Variants in ARAP2 observed in about 807,000 individuals in gnomAD.
The protein encoded by ARAP2 is arf-GAP with Rho-GAP domain, ANK repeat and PH domain-containing protein 2.
In ARAP2, 148 loss-of-function variants were observed where a neutral mutation model predicts 194.5. The ratio of observed to expected loss-of-function variants is 0.76; its 90% CI spans 0.67 to 0.87. ARAP2 has a LOEUF of 0.87. Among genes scored for constraint, ARAP2 ranks in the 40% least tolerant of loss-of-function variants. The pLI is 0.00. For synonymous variants in ARAP2, 695 were observed against 683.5 expected (o/e 1.02, Z -0.26); for missense variants, 2,128 against 1,989.7 (o/e 1.07, Z -1.32).
At chr4:36,133,106 T>G (rs1725813326) in intron 20 of ARAP2, 120 bp downstream of exon 20, 1 of 953,768 alleles carries the variant, frequency 1.0e-6, no homozygotes, top group African/African-American at 1.7e-5. Context: ...CCTTTATTTT[T>G]CACTAGGATA....
rs545390301 is a variant in ARAP2, at chr4:36,139,993, C to G, written c.3264-6604G>C. On this transcript the variant is annotated intron_variant, in intron 19 of 32. Coordinates refer to ENST00000303965, the MANE Select transcript of ARAP2 (RefSeq NM_015230.4). ...CAACCCATACTGAGGTTGTTTCTAG[C>G]CCATCCTATTTCTCTGAACCTATTA... Among the ~76,000 whole-genome samples the G allele has an allele frequency of 4.6e-5, 7 of 151,678 alleles. 1 individual carries two copies. The South Asian group carries it at 1.5e-3, about 31-fold the overall frequency.
chr4:36,117,236 A>G (rs888932678), intron 24 of ARAP2, 101 bp from the exon 25 acceptor site: 13 of 785,382 alleles, frequency 1.7e-5, no homozygotes, highest in Non-Finnish European at 2.1e-5. Flanking sequence ...ATTTCTGAAT[A>G]TTTTATAACA....
chr4:36,037,871 T>C (rs1223966275), intron 5 of ARAP2, among the ~76,000 whole-genome samples: 2 of 152,222 alleles, frequency 1.3e-5, no homozygotes, highest in African/African-American at 2.4e-5. Context: ...GATTTAACTC[T>C]TAGAGCATAA....
At chr4:36,194,401 A>G (rs1742618583) in intron 6 of ARAP2, among the ~76,000 whole-genome samples, 1 of 152,188 alleles carries the variant, frequency 6.6e-6, no homozygotes, top group Admixed American at 6.5e-5. Context: ...GCAGACAACC[A>G]TAGGTACTTT....
In ARAP2 at chr4:36,082,305, A is replaced by G; in HGVS notation, c.4509-19T>C. Reference sequence around the variant, plus strand: ...TCCCCAGCTGCATCACATAGAAAAAAAAACACACATAAATTAAAAATAATA... The same window carrying G: ...TCCCCAGCTGCATCACATAGAAAAAGAAACACACATAAATTAAAAATAATA... On this transcript the variant is annotated intron_variant, in intron 29 of 32. Coordinates refer to ENST00000303965, the MANE Select transcript of ARAP2 (RefSeq NM_015230.4). 2 of 1,602,570 alleles carry G rather than the reference A, an allele frequency of 1.2e-6. No individual in the cohort carries two copies. Among genetic ancestry groups the G allele is most frequent in the Admixed American group, 1.7e-5 (1 of 58,570 alleles).
intron 2 of ARAP2, among the ~76,000 whole-genome samples, chr4:36,222,437 T>C (rs974973474): frequency 3.3e-5 from 5 of 152,142 alleles, no homozygotes; most frequent in African/African-American, 1.2e-4. Context: ...AAATTGTTTT[T>C]AAAATCAAAC....
intron 5 of ARAP2, among the ~76,000 whole-genome samples, chr4:36,041,970 A>G (rs958668310): frequency 6.6e-6 from 1 of 152,182 alleles, no homozygotes; most frequent in African/African-American, 2.4e-5. Flanking sequence ...GGATGAAATC[A>G]TAAGAACTTA....
At chr4:36,156,391 GAAAGAAAGAAAGAAAGAA>G (rs1473788595) in intron 15 of ARAP2, among the ~76,000 whole-genome samples, 1 of 95,182 alleles carries the variant, frequency 1.1e-5, no homozygotes, top group Non-Finnish European at 2.1e-5. Context: ...GAGAGAGAGA[GAAAGAAAGAAAGAAAGAA>G]AGAAAGAAAG....
At chr4:36,190,134 C>T (rs543495050) in intron 7 of ARAP2, among the ~76,000 whole-genome samples, 11 of 152,336 alleles carry the variant, frequency 7.2e-5, no homozygotes, top group African/African-American at 2.2e-4. Context: ...ATTGTCTTCA[C>T]GCCCATCTGC....
At chr4:36,198,595 A>G (rs1182638713) in intron 6 of ARAP2, among the ~76,000 whole-genome samples, 1 of 152,174 alleles carries the variant, frequency 6.6e-6, no homozygotes, top group Non-Finnish European at 1.5e-5. Context: ...ATCAGGACCC[A>G]AAGTCCAGAG....
intron 6 of ARAP2, among the ~76,000 whole-genome samples, chr4:36,204,691 T>A (rs1745139160): frequency 6.6e-6 from 1 of 152,086 alleles, no homozygotes; most frequent in Non-Finnish European, 1.5e-5. Context: ...AGTACACATA[T>A]TAAAAATTAA....
chr4:36,009,504 G>C (rs28698079), intron 9 of ARAP2, among the ~76,000 whole-genome samples: 57,542 of 151,780 alleles, frequency 0.38, 11,529 homozygotes, highest in East Asian at 0.6. Flanking sequence ...AACAGACACT[G>C]GGCAATACAA....
rs1429181901 is a variant in ARAP2 at position 36,209,434 on chromosome 4, T to C, written c.1487+956A>G. 12 of 450,416 alleles carry C rather than the reference T, an allele frequency of 2.7e-5. No homozygotes were observed. In the Admixed American group the frequency reaches 2.9e-4, roughly 11 times the overall value. The allele number at this position is 450,416 out of a possible 1,614,324, so 27.9% of individuals were successfully genotyped here. The stretch of plus-strand genomic sequence containing the variant: ...AATTTCCTAAAAGAATGAAAATATA[T>C]AAGGTATTAACATATAATTGCTAAC... On this transcript the variant is annotated intron_variant, in intron 6 of 32. Transcript: ENST00000303965.
intron 11 of ARAP2, among the ~76,000 whole-genome samples, chr4:36,164,301 C>T (rs1487200505): frequency 6.6e-6 from 1 of 152,046 alleles, no homozygotes; most frequent in Non-Finnish European, 1.5e-5. Context: ...TCAAAACTTC[C>T]ATGATCACAC....
chr4:36,046,496 G>T (rs1721855178), intron 4 of ARAP2, among the ~76,000 whole-genome samples: 1 of 151,988 alleles, frequency 6.6e-6, no homozygotes, highest in African/African-American at 2.4e-5. Flanking sequence ...GCCTATAGGT[G>T]CAGTGAGCCA....
At chr4:36,155,878 G>A (rs941423479) in intron 15 of ARAP2, among the ~76,000 whole-genome samples, 1 of 152,044 alleles carries the variant, frequency 6.6e-6, no homozygotes, top group African/African-American at 2.4e-5. Flanking sequence ...TTTCCTGTTT[G>A]GTTGTTGTTG....
At chr4:36,190,444 A>G (rs1741620486) in intron 7 of ARAP2, among the ~76,000 whole-genome samples, 1 of 152,208 alleles carries the variant, frequency 6.6e-6, no homozygotes, top group Non-Finnish European at 1.5e-5. Context: ...TTCTGAATGA[A>G]TGAATCCTAT....
chr4:36,176,719 A>G (rs1222587804), intron 9 of ARAP2, among the ~76,000 whole-genome samples: 1 of 152,166 alleles, frequency 6.6e-6, no homozygotes, highest in Non-Finnish European at 1.5e-5. Context: ...CACATTATTA[A>G]TAAGCCAAGA....
intron 16 of ARAP2, 30 bp downstream of exon 16, chr4:36,150,870 T>A (rs1730806961): frequency 6.3e-7 from 1 of 1,592,310 alleles, no homozygotes; most frequent in African/African-American, 1.4e-5. Context: ...AAATACCTTT[T>A]ACCTCCTAAT....
Sources: allele counts gnomAD v4.1 joint callset (sites outside exome capture counted in the v4.1 genomes callset), GRCh38; gene constraint gnomAD v4.1.1; transcripts MANE v1.5; gene names NCBI Gene and HGNC (gene_info 2026-07-23, HGNC 2026-07-21).